Variants in DACH1 observed in about 807,000 individuals in gnomAD.
DACH1 encodes dachshund family transcription factor 1.
A neutral mutation model predicts 54.2 loss-of-function variants in DACH1; 12 were observed. The observed-to-expected ratio is 0.22, with a 90% CI of 0.14 to 0.36. The LOEUF (loss-of-function observed/expected upper bound fraction) is 0.36. Ranked by LOEUF, DACH1 falls within the 10% of genes least tolerant of loss-of-function variation. The pLI is 1.00. For missense variants in DACH1, 805 were observed against 929.8 expected (o/e 0.87, Z 1.75); for synonymous variants, 386 against 366.2 (o/e 1.05, Z -0.62).
chr13:71,560,287 A>T (rs1185935071), intron 4 of DACH1, among the ~76,000 whole-genome samples: 1 of 152,180 alleles, frequency 6.6e-6, no homozygotes, highest in Non-Finnish European at 1.5e-5. Context: ...CAGAGAATAA[A>T]GAAGGATTAT....
At position 71,493,585 on chromosome 13, in the gene DACH1, A is replaced by G. The variant is rs902599417; in HGVS notation, c.1571-4437T>C. ...GTATGTAACTTTTTCTCTGGCAAAT[A>G]TAATAAAAATAACTTAAATGTTCAG... On this transcript the variant is annotated intron_variant, in intron 6 of 10. Transcript: ENST00000613252. Among the ~76,000 whole-genome samples, 5 of 152,212 alleles carry G rather than the reference A, an allele frequency of 3.3e-5. No homozygotes were observed. The South Asian group carries it at 6.2e-4, about 19-fold the overall frequency.
At chr13:71,653,554 C>A (rs749807386) in intron 2 of DACH1, among the ~76,000 whole-genome samples, 2 of 152,170 alleles carry the variant, frequency 1.3e-5, no homozygotes, top group Non-Finnish European at 2.9e-5. Flanking sequence ...GGTTATCGCA[C>A]CTGCTAGGAG....
At chr13:71,590,380 G>A (rs1369671890) in intron 3 of DACH1, among the ~76,000 whole-genome samples, 2 of 152,124 alleles carry the variant, frequency 1.3e-5, no homozygotes, top group African/African-American at 4.8e-5. Flanking sequence ...CTTTGACAAG[G>A]TAGATGGGAA....
At chr13:71,818,596 A>G (rs1888056967) in intron 1 of DACH1, among the ~76,000 whole-genome samples, 1 of 152,208 alleles carries the variant, frequency 6.6e-6, no homozygotes, top group Admixed American at 6.5e-5. Context: ...TCTTCAAGGA[A>G]GCCACTTCCT....
intron 2 of DACH1, among the ~76,000 whole-genome samples, chr13:71,658,122 T>A (rs1594059038): frequency 6.6e-6 from 1 of 152,362 alleles, no homozygotes; most frequent in East Asian, 1.9e-4. Flanking sequence ...AAAGGCATAA[T>A]GTTTGAAAAT....
intron 1 of DACH1, among the ~76,000 whole-genome samples, chr13:71,775,296 C>A (rs2138047127): frequency 6.6e-6 from 1 of 151,890 alleles, no homozygotes; most frequent in African/African-American, 2.4e-5. Context: ...CAGGGCAAGT[C>A]TCTTCAAGAA....
At chr13:71,791,358 CTTTG>C (rs1004027676) in intron 1 of DACH1, among the ~76,000 whole-genome samples, 5 of 151,992 alleles carry the variant, frequency 3.3e-5, no homozygotes, top group Middle Eastern at 3.4e-3. Flanking sequence ...TGGAGCTATT[CTTTG>C]TTTGTTTGTT....
chr13:71,617,984 A>C (rs980214179), intron 3 of DACH1, among the ~76,000 whole-genome samples: 3 of 152,146 alleles, frequency 2.0e-5, no homozygotes, highest in African/African-American at 7.2e-5. Context: ...ATATCCATTA[A>C]CATTTTAGCT....
chr13:71,560,682 C>G lies in DACH1; in HGVS notation c.1300-727G>C, dbSNP rs546342112. Reference sequence around the variant, plus strand: ...CAGTCTTGTCTCTCTCCACACCTCCCTCTCTAAGCTCTGTACATTCTCCAT... The same window carrying G: ...CAGTCTTGTCTCTCTCCACACCTCCGTCTCTAAGCTCTGTACATTCTCCAT... On this transcript the variant is annotated intron_variant, in intron 4 of 10. Transcript: ENST00000613252. Among the ~76,000 whole-genome samples, 5 of 152,272 alleles carry G rather than the reference C, an allele frequency of 3.3e-5. No homozygotes were observed. In the East Asian group the frequency reaches 9.7e-4, roughly 29 times the overall value.
At chr13:71,862,968 C>T (rs1874454247) in intron 1 of DACH1, among the ~76,000 whole-genome samples, 1 of 151,990 alleles carries the variant, frequency 6.6e-6, no homozygotes, top group Non-Finnish European at 1.5e-5. Context: ...TCCCTTCTTG[C>T]TCAGCTTCTC....
chr13:71,830,603 A>G (rs991851533), intron 1 of DACH1, among the ~76,000 whole-genome samples: 2 of 151,864 alleles, frequency 1.3e-5, no homozygotes, highest in Non-Finnish European at 1.5e-5. Context: ...AAGACCCACT[A>G]TGTTTAACCG....
Position 71,478,209 on chromosome 13 carries a change from T to G in DACH1, c.1870+960A>C, listed in dbSNP as rs540269705. Among the ~76,000 whole-genome samples, 79 of 152,326 alleles carry G rather than the reference T, an allele frequency of 5.2e-4. 1 individual carries two copies. In the South Asian group the frequency reaches 0.011, roughly 21 times the overall value. On this transcript the variant is annotated intron_variant, in intron 8 of 10. Coordinates refer to ENST00000613252, the MANE Select transcript of DACH1 (RefSeq NM_080759.6). The stretch of plus-strand genomic sequence containing the variant: ...TTATCAATGTTTACCTTGTTTTGAT[T>G]ATTTAAATACCTGAATCTATGTGAA...
rs781138434 is a variant in DACH1 at position 71,557,099 on chromosome 13, G to A, written c.1495C>T (p.Leu499Phe). 14 of 1,612,038 alleles carry A rather than the reference G, an allele frequency of 8.7e-6. No homozygotes were observed. The highest frequency in any genetic ancestry group is 1.2e-5 in the Non-Finnish European group (14 of 1,179,034). ...QMLMGLSPNV[L>F]PGPKEGDLAG... ...AAATCTCCCTCTTTGGGCCCAGGAA[G>A]TACATTTGGTGATAAGCCCATCAGC... The change falls in exon 6 of 11, where the codon CTT (leucine) becomes TTT (phenylalanine). Residue 499 changes from leucine to phenylalanine, a missense_variant. Coordinates refer to ENST00000613252, the MANE Select transcript of DACH1 (RefSeq NM_080759.6).
In DACH1 at chr13:71,801,761, G is replaced by A. The variant is rs188338777; in HGVS notation, c.848+64161C>T. Among the ~76,000 whole-genome samples the A allele has an allele frequency of 6.0e-3, 906 of 151,222 alleles. 9 individuals carry two copies. The highest frequency in any genetic ancestry group is 0.01 in the Middle Eastern group (3 of 292). On this transcript the variant is annotated intron_variant, in intron 1 of 10. Transcript: ENST00000613252. ...TTAAAACATAATTCCTTTTCTTAAC[G>A]TGCCACCCTTCAGGGTAAGGAGTTG...
At chr13:71,679,874 C>T (rs771506949) in intron 2 of DACH1, among the ~76,000 whole-genome samples, 11 of 150,350 alleles carry the variant, frequency 7.3e-5, no homozygotes, top group Non-Finnish European at 1.5e-4. Flanking sequence ...CCCACCTACT[C>T]CAGAGGCTAA....
At chr13:71,732,483 G>A (rs1195885791) in intron 1 of DACH1, among the ~76,000 whole-genome samples, 1 of 151,736 alleles carries the variant, frequency 6.6e-6, no homozygotes, top group Non-Finnish European at 1.5e-5. Context: ...TACTTGGGAG[G>A]CTGAGACAGG....
chr13:71,660,330 A>G (rs1385162866), intron 2 of DACH1, among the ~76,000 whole-genome samples: 1 of 152,120 alleles, frequency 6.6e-6, no homozygotes, highest in Non-Finnish European at 1.5e-5. Context: ...ATAATTATAT[A>G]CAAGGGTTTT....
intron 6 of DACH1, among the ~76,000 whole-genome samples, chr13:71,493,901 C>G (rs1195531148): frequency 1.3e-5 from 2 of 152,056 alleles, no homozygotes; most frequent in South Asian, 4.1e-4. Context: ...ATGAGTCATA[C>G]AAGTAAAATT....
rs149107538 is a variant in DACH1, at chr13:71,638,490, C to T, written c.965-7773G>A. ...TTCTAACTGATATCAGTGCCATATT[C>T]ATATACATGATACATCATGGCAGTA... On this transcript the variant is annotated intron_variant, in intron 2 of 10. Coordinates refer to ENST00000613252, the MANE Select transcript of DACH1 (RefSeq NM_080759.6). Among the ~76,000 whole-genome samples the T allele has an allele frequency of 2.4e-4, 36 of 152,218 alleles. No homozygotes were observed. In the East Asian group the frequency reaches 5.6e-3, roughly 24 times the overall value.
Sources: gnomAD v4.1 joint callset for allele counts (sites outside exome capture counted in the v4.1 genomes callset) on GRCh38, gnomAD v4.1.1 for gene constraint, MANE v1.5 for transcripts, NCBI Gene and HGNC (gene_info 2026-07-23, HGNC 2026-07-21) for gene names.